Variants in ITPKB observed in about 807,000 individuals in gnomAD.
The protein encoded by ITPKB is IP3 3-kinase B.
A neutral mutation model predicts 69.4 loss-of-function variants in ITPKB; 13 were observed. The ratio of observed to expected loss-of-function variants is 0.19; its 90% CI spans 0.12 to 0.30. The LOEUF is 0.30. ITPKB is among the 10% of genes least tolerant of loss of function. The pLI is 1.00. For missense variants in ITPKB, 1,240 were observed against 1,250.5 expected (o/e 0.99, Z 0.13); for synonymous variants, 584 against 513.7 (o/e 1.14, Z -1.85).
chr1:226,704,813 C>T (rs576430311), intron 2 of ITPKB, among the ~76,000 whole-genome samples: 5 of 152,330 alleles, frequency 3.3e-5, no homozygotes, highest in Admixed American at 2.0e-4. Context: ...CACACAGCCT[C>T]GACTTCATTT....
At chr1:226,700,433 C>G (rs1345621660) in intron 2 of ITPKB, among the ~76,000 whole-genome samples, 1 of 128,126 alleles carries the variant, frequency 7.8e-6, no homozygotes, top group Non-Finnish European at 1.6e-5. Flanking sequence ...CACGCCACGG[C>G]ACTCCAGCCT....
At chr1:226,668,916 C>A (rs959559904) in intron 2 of ITPKB, 1 of 152,156 alleles carries the variant, frequency 6.6e-6, no homozygotes, top group African/African-American at 2.4e-5. Flanking sequence ...TGTAACCTTT[C>A]CCCTTTTTCA....
intron 2 of ITPKB, among the ~76,000 whole-genome samples, chr1:226,693,386 G>A (rs1656403741): frequency 6.6e-6 from 1 of 152,174 alleles, no homozygotes. Context: ...GAAAACCCCT[G>A]CCTAAGAGTC....
At chr1:226,666,383 C>A (rs1169833566) in intron 2 of ITPKB, among the ~76,000 whole-genome samples, 1 of 152,178 alleles carries the variant, frequency 6.6e-6, no homozygotes, top group African/African-American at 2.4e-5. Context: ...TTGCTTCTTA[C>A]CAGCTCCTTA....
At chr1:226,659,208 C>T (rs1397212750) in intron 2 of ITPKB, among the ~76,000 whole-genome samples, 1 of 152,172 alleles carries the variant, frequency 6.6e-6, no homozygotes, top group African/African-American at 2.4e-5. Context: ...AGCACCCAGA[C>T]TGGCACCCAG....
At chr1:226,649,603 ATG>A (rs1441745455) in intron 2 of ITPKB, among the ~76,000 whole-genome samples, 3 of 152,148 alleles carry the variant, frequency 2.0e-5, no homozygotes, top group East Asian at 1.9e-4. Flanking sequence ...GTGTGCGTGC[ATG>A]TGTGTTTGGG....
intron 2 of ITPKB, among the ~76,000 whole-genome samples, chr1:226,729,195 G>A (rs1185438240): frequency 6.6e-6 from 1 of 151,996 alleles, no homozygotes; most frequent in Non-Finnish European, 1.5e-5. Flanking sequence ...GATATTAAAG[G>A]AAATGAGGCC....
At chr1:226,667,828 G>GTGTGTGTT (rs1669533549) in intron 2 of ITPKB, among the ~76,000 whole-genome samples, 1 of 102,604 alleles carries the variant, frequency 9.7e-6, no homozygotes, top group Non-Finnish European at 2.4e-5. Flanking sequence ...TGAGGAAAAT[G>GTGTGTGTT]TGTGTGTGTG....
At chr1:226,716,908 A>G (rs1392302558) in intron 2 of ITPKB, among the ~76,000 whole-genome samples, 1 of 152,218 alleles carries the variant, frequency 6.6e-6, no homozygotes, top group Non-Finnish European at 1.5e-5. Flanking sequence ...ATAGAAAACA[A>G]TACTTTCTTT....
intron 2 of ITPKB, chr1:226,676,473 A>G (rs1409450350): frequency 6.6e-6 from 1 of 152,228 alleles, no homozygotes; most frequent in African/African-American, 2.4e-5. Context: ...CAATTCCCCT[A>G]CCGGTGTGAC....
chr1:226,704,938 T>A (rs1338789482), intron 2 of ITPKB, among the ~76,000 whole-genome samples: 2 of 152,224 alleles, frequency 1.3e-5, no homozygotes, highest in Non-Finnish European at 2.9e-5. Context: ...TTGTACTTTT[T>A]AAAAGAATCA....
chr1:226,661,733 G>A (rs1186450878), intron 2 of ITPKB, among the ~76,000 whole-genome samples: 1 of 152,214 alleles, frequency 6.6e-6, no homozygotes, highest in East Asian at 1.9e-4. Context: ...AACAGAGGCA[G>A]ATACATTTTG....
At position 226,735,704 on chromosome 1, in the gene ITPKB, C is replaced by A; in HGVS notation, c.1755G>T (p.Thr585=). The A allele has an allele frequency of 1.9e-6, 3 of 1,592,378 alleles. 1 individual carries two copies. The highest frequency in any genetic ancestry group is 2.6e-6 in the Non-Finnish European group (3 of 1,168,098). The change falls in exon 2 of 8, where the codon ACG becomes ACT. Residue 585 remains threonine, a synonymous_variant. Transcript: ENST00000429204. Reference sequence around the variant, plus strand: ...GCAGGTTGCCCCGAGGGCTTCCCTGCGTCTCCTCCAAGGCCCCATCCTCCT... The same window carrying A: ...GCAGGTTGCCCCGAGGGCTTCCCTGAGTCTCCTCCAAGGCCCCATCCTCCT... ...GTQEDGALEE[T]QGSPRGNLPL... is the part of the protein sequence containing the mutation.
In ITPKB at chr1:226,647,059, C is replaced by T. The variant is rs191028093; in HGVS notation, c.2246+108G>A. ...TAATTGGTCCAACAGCCTCCTCAGC[C>T]TGCCCTTGCACCTGTGAGGCCTCCG... is the stretch of plus-strand genomic sequence containing the variant. On this transcript the variant is annotated intron_variant, in intron 4 of 7. Coordinates refer to ENST00000429204, the MANE Select transcript of ITPKB (RefSeq NM_002221.4). The T allele has an allele frequency of 2.1e-4, 191 of 907,456 alleles. No homozygotes were observed. In the East Asian group the frequency reaches 4.2e-3, roughly 20 times the overall value. 56.2% of individuals were successfully genotyped at this position (907,456 alleles called of 1,614,324 possible). A position where few individuals can be genotyped will look rare whatever the true frequency, so the allele number is the denominator to read the frequency against.
intron 4 of ITPKB, among the ~76,000 whole-genome samples, chr1:226,646,946 C>T (rs558649005): frequency 1.3e-5 from 2 of 152,366 alleles, no homozygotes; most frequent in Non-Finnish European, 2.9e-5. Context: ...CTTCTGCTCA[C>T]TGGAGAAGGA....
At chr1:226,727,831 T>C (rs1657470607) in intron 2 of ITPKB, among the ~76,000 whole-genome samples, 1 of 152,194 alleles carries the variant, frequency 6.6e-6, no homozygotes, top group African/African-American at 2.4e-5. Flanking sequence ...TCATCATTAA[T>C]ACGTATTATC....
At chr1:226,696,714 G>A (rs1236372142) in intron 2 of ITPKB, among the ~76,000 whole-genome samples, 6 of 152,096 alleles carry the variant, frequency 3.9e-5, no homozygotes, top group South Asian at 2.1e-4. Context: ...ACACACACAC[G>A]CAGTCTTTAC....
chr1:226,685,766 CAT>C (rs1213719562), intron 2 of ITPKB, among the ~76,000 whole-genome samples: 10 of 152,228 alleles, frequency 6.6e-5, no homozygotes, highest in African/African-American at 9.7e-5. Context: ...AAAATGGACA[CAT>C]GAGTTAACTA....
chr1:226,636,926 CATGT>C (rs1376159794), intron 7 of ITPKB, among the ~76,000 whole-genome samples: 2 of 151,816 alleles, frequency 1.3e-5, no homozygotes, highest in East Asian at 1.9e-4. Context: ...TGTGTGCATG[CATGT>C]GATTGATCTG....
Sources: gnomAD v4.1 joint callset for allele counts (sites outside exome capture counted in the v4.1 genomes callset) on GRCh38, gnomAD v4.1.1 for gene constraint, MANE v1.5 for transcripts, NCBI Gene and HGNC (gene_info 2026-07-23, HGNC 2026-07-21) for gene names.